The following SLC25A26 variants were observed in gnomAD, a reference collection of about 807,000 sequenced individuals.
SLC25A26 encodes solute carrier family 25 member 26.
SLC25A26 carries 36 observed loss-of-function variants against 37.8 expected under a neutral mutation model. The ratio of observed to expected loss-of-function variants is 0.95; its 90% confidence interval spans 0.73 to 1.26. The LOEUF (loss-of-function observed/expected upper bound fraction) is 1.26, where lower values mean the gene tolerates loss of function less well. SLC25A26 is among the 50% of genes most tolerant of loss of function. The pLI is 0.00. For synonymous variants in SLC25A26, 129 were observed against 122.5 expected (o/e 1.05, Z -0.35); for missense variants, 390 against 331.1 (o/e 1.18, Z -1.38).
At chr3:66,212,064 G>A (rs2106838859) in intron 1 of SLC25A26, among the ~76,000 whole-genome samples, 1 of 152,302 alleles carries the variant, frequency 6.6e-6, no homozygotes, top group South Asian at 2.1e-4. Flanking sequence ...GTGAGTGAGA[G>A]ACTACATTCA....
At chr3:66,231,858 A>C (rs1053066641) in intron 1 of SLC25A26, among the ~76,000 whole-genome samples, 2 of 151,552 alleles carry the variant, frequency 1.3e-5, no homozygotes, top group Admixed American at 1.3e-4. Flanking sequence ...TGCAACCTCA[A>C]ACTCCTGGGC....
chr3:66,349,101 A>C (rs1388672204), intron 6 of SLC25A26, among the ~76,000 whole-genome samples: 1 of 152,192 alleles, frequency 6.6e-6, no homozygotes, highest in Non-Finnish European at 1.5e-5. Context: ...ATTTCTTTTC[A>C]ATATTAAGGA....
At chr3:66,297,867 A>C (rs890802694) in intron 5 of SLC25A26, among the ~76,000 whole-genome samples, 1 of 152,240 alleles carries the variant, frequency 6.6e-6, no homozygotes, top group Non-Finnish European at 1.5e-5. Flanking sequence ...GCCTTAGATT[A>C]GATTTCCTTT....
intron 1 of SLC25A26, among the ~76,000 whole-genome samples, chr3:66,193,540 C>G (rs2070985383): frequency 6.6e-6 from 1 of 152,072 alleles, no homozygotes. Context: ...TTGTCCTTAT[C>G]TGGGCTTGGC....
intron 5 of SLC25A26, among the ~76,000 whole-genome samples, chr3:66,322,337 G>T (rs935071159): frequency 1.2e-4 from 19 of 152,222 alleles, no homozygotes; most frequent in African/African-American, 4.6e-4. Context: ...TTAAAGTTTT[G>T]GCACACATTT....
At chr3:66,172,497 A>C (rs1323190552) in intron 1 of SLC25A26, among the ~76,000 whole-genome samples, 1 of 151,924 alleles carries the variant, frequency 6.6e-6, no homozygotes, top group Non-Finnish European at 1.5e-5. Context: ...GAAACTAAAA[A>C]TTCTAGGGTA....
chr3:66,283,472 G>A (rs1303263155), intron 5 of SLC25A26, among the ~76,000 whole-genome samples: 1 of 151,998 alleles, frequency 6.6e-6, no homozygotes, highest in African/African-American at 2.4e-5. Context: ...TGTAGAGATG[G>A]GGTTTCACCA....
At chr3:66,152,522 T>C (rs2070222443) in intron 1 of SLC25A26, among the ~76,000 whole-genome samples, 1 of 152,202 alleles carries the variant, frequency 6.6e-6, no homozygotes, top group Admixed American at 6.5e-5. Flanking sequence ...GAGTGTCCTT[T>C]TCATTTTTTG....
chr3:66,159,694 G>A (rs2070330647), intron 1 of SLC25A26, among the ~76,000 whole-genome samples: 1 of 152,144 alleles, frequency 6.6e-6, no homozygotes, highest in South Asian at 2.1e-4. Flanking sequence ...CTTGTTCCAG[G>A]CATGTACTCG....
intron 5 of SLC25A26, among the ~76,000 whole-genome samples, chr3:66,281,463 A>G (rs556954404): frequency 2.0e-5 from 3 of 152,182 alleles, no homozygotes; most frequent in Admixed American, 1.3e-4. Flanking sequence ...TTTTCCTAAT[A>G]CTGTCATTTT....
chr3:66,146,881 C>T (rs928174693), intron 1 of SLC25A26, among the ~76,000 whole-genome samples: 2 of 152,154 alleles, frequency 1.3e-5, no homozygotes, highest in South Asian at 2.1e-4. Flanking sequence ...TATGCTTTTG[C>T]GGCCTAGTAG....
chr3:66,273,086 G>A (rs2074012137), intron 5 of SLC25A26, among the ~76,000 whole-genome samples: 2 of 152,094 alleles, frequency 1.3e-5, no homozygotes, highest in South Asian at 4.1e-4. Context: ...TTTATATGCT[G>A]GATTACATTT....
At chr3:66,287,325 T>C (rs2074549683) in intron 5 of SLC25A26, among the ~76,000 whole-genome samples, 1 of 152,136 alleles carries the variant, frequency 6.6e-6, no homozygotes, top group Non-Finnish European at 1.5e-5. Context: ...CTCAAACTGT[T>C]TTCTGTCTTT....
rs975679858 is a variant in SLC25A26 at position 66,215,736 on chromosome 3, C to T, written c.-353-5006C>T. On this transcript the variant is annotated intron_variant, in intron 1 of 10. Transcript: ENST00000676754. ...AGGCCTTTAAAATTTTTTCATTTGA[C>T]TTTCTTTCCATTTTATATATTTACT... Among the ~76,000 whole-genome samples the T allele has an allele frequency of 7.2e-5, 11 of 152,278 alleles. No homozygotes were observed. The East Asian group carries it at 1.7e-3, about 24-fold the overall frequency.
intron 5 of SLC25A26, among the ~76,000 whole-genome samples, chr3:66,302,028 A>G (rs1013869853): frequency 6.6e-6 from 1 of 152,200 alleles, no homozygotes; most frequent in African/African-American, 2.4e-5. Flanking sequence ...GTTATAATTT[A>G]TGATTATTGT....
At chr3:66,370,631 C>T (rs778447177) in intron 9 of SLC25A26, 29 bp downstream of exon 9, 2 of 1,583,430 alleles carry the variant, frequency 1.3e-6, no homozygotes, top group Non-Finnish European at 1.7e-6. Flanking sequence ...TCCTTCCTTT[C>T]TTCCTCTCCA....
chr3:66,371,455 C>T (rs1700340756), intron 9 of SLC25A26: 1 of 1,361,574 alleles, frequency 7.3e-7, no homozygotes, highest in Admixed American at 3.5e-5. Flanking sequence ...GAGAGCAGCA[C>T]ATCCTAGATT....
upstream of SLC25A26, among the ~76,000 whole-genome samples, chr3:66,218,405 A>G (rs1417371154): frequency 6.6e-6 from 1 of 152,256 alleles, no homozygotes; most frequent in Admixed American, 6.5e-5. Flanking sequence ...ACAGCAATGT[A>G]TGAGATTTCC....
intron 1 of SLC25A26, among the ~76,000 whole-genome samples, chr3:66,228,560 G>A (rs2071866359): frequency 6.6e-6 from 1 of 152,150 alleles, no homozygotes. Context: ...AGATACATTT[G>A]TTGGCCTTTG....
Sources: allele counts gnomAD v4.1 joint callset (sites outside exome capture counted in the v4.1 genomes callset), GRCh38; gene constraint gnomAD v4.1.1; transcripts MANE v1.5; gene names NCBI Gene and HGNC (gene_info 2026-07-23, HGNC 2026-07-21).